The following A1CF variants were observed in gnomAD, a reference collection of about 807,000 sequenced individuals.
A1CF encodes the protein APOBEC-1 stimulating protein.
A neutral mutation model predicts 68.9 loss-of-function variants in A1CF; 48 were observed. The observed-to-expected ratio is 0.70, with a 90% CI of 0.55 to 0.89. A1CF has a LOEUF of 0.89. Among genes scored for constraint, A1CF ranks in the 40% least tolerant of loss-of-function variants. The pLI, the probability that A1CF is intolerant of heterozygous loss-of-function variation, is 0.00. For missense variants in A1CF, 653 were observed against 718.9 expected (o/e 0.91, Z 1.05); for synonymous variants, 272 against 260.4 (o/e 1.04, Z -0.43).
chr10:50,843,495 C>G (rs1839867495), intron 4 of A1CF, among the ~76,000 whole-genome samples: 1 of 152,088 alleles, frequency 6.6e-6, no homozygotes, highest in Non-Finnish European at 1.5e-5. Flanking sequence ...AACTGAAAAG[C>G]CATGTTCTTA....
chr10:50,879,956 C>CA (rs1841697096), intron 1 of A1CF, among the ~76,000 whole-genome samples: 2 of 152,084 alleles, frequency 1.3e-5, no homozygotes, highest in Non-Finnish European at 2.9e-5. Flanking sequence ...AGGGAGTATT[C>CA]CTGTTTAACT....
chr10:50,885,341 G>A (rs1295238950), intron 1 of A1CF, among the ~76,000 whole-genome samples: 1 of 152,090 alleles, frequency 6.6e-6, no homozygotes, highest in Non-Finnish European at 1.5e-5. Flanking sequence ...ACCCTCCGTG[G>A]TAAGTCTACA....
At chr10:50,848,561 C>T (rs983246771) in intron 3 of A1CF, among the ~76,000 whole-genome samples, 1 of 152,094 alleles carries the variant, frequency 6.6e-6, no homozygotes, top group East Asian at 1.9e-4. Flanking sequence ...AATTAATGAA[C>T]CCTCATTCAG....
chr10:50,881,727 A>T (rs949783099), intron 1 of A1CF, among the ~76,000 whole-genome samples: 4 of 152,194 alleles, frequency 2.6e-5, no homozygotes, highest in African/African-American at 9.7e-5. Context: ...TCACTTAGAC[A>T]TTCTGTCTGC....
At chr10:50,836,053 T>C (rs1014471632) in intron 6 of A1CF, 21 bp downstream of exon 6, 2 of 1,572,360 alleles carry the variant, frequency 1.3e-6, no homozygotes, top group African/African-American at 2.7e-5. Context: ...AAGTCTCATC[T>C]TTGAGGAGGG....
chr10:50,833,722 C>T (rs1201720431), intron 6 of A1CF, among the ~76,000 whole-genome samples: 1 of 152,144 alleles, frequency 6.6e-6, no homozygotes, highest in Non-Finnish European at 1.5e-5. Context: ...AATGGGGTAA[C>T]AGGTAGAGTG....
chr10:50,824,952 T>C (rs895130550), intron 7 of A1CF, among the ~76,000 whole-genome samples: 2 of 152,170 alleles, frequency 1.3e-5, no homozygotes, highest in African/African-American at 4.8e-5. Flanking sequence ...AGGTGGTCCA[T>C]CATTTGCAGA....
rs1439860431 is a variant in A1CF, at chr10:50,850,892, A to C, written c.100-6770T>G. 5.7e-5 allele frequency: 82 copies of C among 1,435,860 alleles called. No homozygotes were observed. In the Admixed American group the frequency reaches 1.9e-3, roughly 34 times the overall value. 88.9% of individuals were successfully genotyped at this position (1,435,860 alleles called of 1,614,324 possible). On this transcript the variant is annotated intron_variant, in intron 3 of 12. Coordinates refer to ENST00000373997, the MANE Select transcript of A1CF (RefSeq NM_014576.4). The stretch of plus-strand genomic sequence containing the variant: ...TCCTTAAAGAATGTGTAATTTATTC[A>C]ATAGGCCCATCTAACTTTTTTGTTT...
In A1CF at chr10:50,800,537, C is replaced by T. The variant is rs1277292421; in HGVS notation, c.*6192G>A. On this transcript the variant is annotated 3_prime_UTR_variant, in exon 13 of 13. Coordinates refer to ENST00000373997, the MANE Select transcript of A1CF (RefSeq NM_014576.4). Reference sequence around the variant, plus strand: ...GAATGGACCATGGGACTGTGTGCCCCAATTAAAGAGAGAAGTAGGAAATAT... The same window carrying T: ...GAATGGACCATGGGACTGTGTGCCCTAATTAAAGAGAGAAGTAGGAAATAT... 6.6e-6 allele frequency: 1 copy of T among 151,956 alleles called. No homozygotes were observed. The highest frequency in any genetic ancestry group is 2.4e-5 in the African/African-American group (1 of 41,376). 9.4% of individuals were successfully genotyped at this position (151,956 alleles called of 1,614,324 possible). A position where few individuals can be genotyped will look rare whatever the true frequency, so the allele number is the denominator to read the frequency against.
At chr10:50,849,786 C>CTTTTTTTTTTTTT (rs71949925) in intron 3 of A1CF, among the ~76,000 whole-genome samples, 3 of 83,654 alleles carry the variant, frequency 3.6e-5, no homozygotes, top group African/African-American at 9.5e-5. Context: ...TTAATGAATT[C>CTTTTTTTTTTTTT]TTTTTTTTTT....
At position 50,823,537 on chromosome 10, in the gene A1CF, G is replaced by A. The variant is rs374855061; in HGVS notation, c.770-2888C>T. 1.1e-4 allele frequency: 16 copies of A among 152,304 alleles called. No homozygotes were observed. In the East Asian group the frequency reaches 2.3e-3, roughly 22 times the overall value. 9.4% of individuals were successfully genotyped at this position (152,304 alleles called of 1,614,324 possible). On this transcript the variant is annotated intron_variant, in intron 7 of 12. Transcript: ENST00000373997. ...TTATCAGAGGGTCATGGTTCCCGAA[G>A]TGTGGTGCCCTGACCAGCAGAATCC...
chr10:50,827,812 G>T (rs545742188), intron 7 of A1CF, among the ~76,000 whole-genome samples: 16 of 151,860 alleles, frequency 1.1e-4, no homozygotes, highest in African/African-American at 3.9e-4. Flanking sequence ...TGAGATAGAG[G>T]CACAAAAATC....
At chr10:50,853,957 G>C (rs1840364803) in intron 3 of A1CF, among the ~76,000 whole-genome samples, 2 of 152,002 alleles carry the variant, frequency 1.3e-5, no homozygotes, top group South Asian at 4.1e-4. Context: ...AGAACAAAAG[G>C]ATTGGACTAT....
At chr10:50,855,324 A>G (rs555077933) in intron 3 of A1CF, among the ~76,000 whole-genome samples, 7 of 152,082 alleles carry the variant, frequency 4.6e-5, no homozygotes, top group African/African-American at 1.7e-4. Flanking sequence ...GAATCCCCAC[A>G]CATAATTCCA....
rs184226274 is a variant in A1CF, at chr10:50,877,086, T to C, written c.-94+8495A>G. ...CTAGAAGATTCCTGGGGAAGAGAGT[T>C]GACAGAATTTAGAAATTATAGAATG... On this transcript the variant is annotated intron_variant, in intron 1 of 12. Coordinates refer to ENST00000373997, the MANE Select transcript of A1CF (RefSeq NM_014576.4). 7.5e-4 allele frequency among the ~76,000 whole-genome samples: 115 copies of C among 152,318 alleles called. No individual in the cohort carries two copies. In the Middle Eastern group the frequency reaches 0.01, roughly 14 times the overall value.
chr10:50,853,702 C>T (rs1418291740), intron 3 of A1CF, among the ~76,000 whole-genome samples: 3 of 149,884 alleles, frequency 2.0e-5, no homozygotes, highest in East Asian at 1.9e-4. Flanking sequence ...AAACTAGATT[C>T]GCTTCTAATA....
At chr10:50,880,653 T>C (rs1283155139) in intron 1 of A1CF, among the ~76,000 whole-genome samples, 2 of 152,182 alleles carry the variant, frequency 1.3e-5, no homozygotes, top group East Asian at 3.9e-4. Flanking sequence ...TTTAATTACA[T>C]CTAATAATTT....
chr10:50,885,371 C>A (rs898346883), intron 1 of A1CF, among the ~76,000 whole-genome samples: 18 of 152,278 alleles, frequency 1.2e-4, no homozygotes, highest in African/African-American at 3.9e-4. Flanking sequence ...TAAATCCTGG[C>A]AGCTATCTCA....
chr10:50,852,483 G>T (rs960010523), intron 3 of A1CF, among the ~76,000 whole-genome samples: 1 of 152,136 alleles, frequency 6.6e-6, no homozygotes, highest in Non-Finnish European at 1.5e-5. Flanking sequence ...TGGGTGGCTG[G>T]GGTGATAAGC....
Sources: gnomAD v4.1 joint callset for allele counts (sites outside exome capture counted in the v4.1 genomes callset) on GRCh38, gnomAD v4.1.1 for gene constraint, MANE v1.5 for transcripts, NCBI Gene and HGNC (gene_info 2026-07-23, HGNC 2026-07-21) for gene names.